FAM153A: variants seen among roughly 807,000 people sequenced by gnomAD.
The protein encoded by FAM153A is family with sequence similarity 153 member A.
A neutral mutation model predicts 48.1 loss-of-function variants in FAM153A; 12 were observed. The observed-to-expected ratio is 0.25, with a 90% CI of 0.16 to 0.40. The LOEUF is 0.40. FAM153A is among the 10% of genes least tolerant of loss of function. The pLI is 1.00. For synonymous variants in FAM153A, 36 were observed against 118.2 expected, an observed-to-expected ratio of 0.30 and a Z score of 4.51; for missense variants, 111 against 345.8, an observed-to-expected ratio of 0.32 and a Z score of 5.38.
At chr5:177,716,995 G>GTGTGTGTA (rs1270368015) in intron 24 of FAM153A, among the ~76,000 whole-genome samples, 3 of 150,438 alleles carry the variant, frequency 2.0e-5, no homozygotes, top group Non-Finnish European at 4.4e-5. Context: ...GTGTGTGTGT[G>GTGTGTGTA]TGTGTAGAGT....
At chr5:177,759,977 A>G (rs1768152720) in intron 1 of FAM153A, among the ~76,000 whole-genome samples, 1 of 148,950 alleles carries the variant, frequency 6.7e-6, no homozygotes, top group South Asian at 2.1e-4. Context: ...AAAATAAAAA[A>G]AAACAAAAAA....
upstream of FAM153A, chr5:177,782,974 G>A (rs1226166629): frequency 1.1e-5 from 1 of 94,608 alleles, no homozygotes; most frequent in Non-Finnish European, 2.2e-5. Context: ...TTAAGGGGAG[G>A]GCCCGCCTGG....
intron 1 of FAM153A, chr5:177,753,079 C>T (rs1396021373): frequency 2.4e-6 from 2 of 838,666 alleles, no homozygotes; most frequent in Non-Finnish European, 3.8e-6. Context: ...CAAATAGGAG[C>T]TGGGGAAATT....
intron 10 of FAM153A, among the ~76,000 whole-genome samples, chr5:177,738,746 T>C (rs1765079295): frequency 6.6e-6 from 1 of 151,420 alleles, no homozygotes; most frequent in African/African-American, 2.5e-5. Flanking sequence ...AGGTGTGCAG[T>C]GGTAATGGAA....
At chr5:177,715,144 T>G (rs1419823476) in intron 25 of FAM153A, among the ~76,000 whole-genome samples, 1 of 150,806 alleles carries the variant, frequency 6.6e-6, no homozygotes, top group Non-Finnish European at 1.5e-5. Flanking sequence ...ATAGAACCTC[T>G]TATTGCCTTT....
chr5:177,707,639 G>A (rs550325706), downstream of FAM153A, among the ~76,000 whole-genome samples: 9 of 151,184 alleles, frequency 6.0e-5, no homozygotes, highest in Non-Finnish European at 1.3e-4. Context: ...TTTTTGAGAC[G>A]GAGTCTTACT....
At chr5:177,755,091 A>T (rs893803478), upstream of FAM153A, among the ~76,000 whole-genome samples, 2 of 151,842 alleles carry the variant, frequency 1.3e-5, no homozygotes, top group African/African-American at 4.9e-5. Flanking sequence ...CCTTGAAAAA[A>T]GATTAAATGA....
intron 2 of FAM153A, chr5:177,750,295 C>T (rs1188367044): frequency 2.7e-4 from 41 of 154,546 alleles, no homozygotes; most frequent in African/African-American, 8.3e-4. Flanking sequence ...GAAATTATTC[C>T]GTCAGGGTGA....
chr5:177,765,599 C>T (rs1478316709), intron 1 of FAM153A, among the ~76,000 whole-genome samples: 1 of 126,844 alleles, frequency 7.9e-6, no homozygotes, highest in Non-Finnish European at 1.7e-5. Context: ...CCTTTGCAGG[C>T]CTGGATGAAG....
rs1188612409 is a variant in FAM153A at position 177,772,306 on chromosome 5, G to A, written c.-57+8143C>T. Among the ~76,000 whole-genome samples the A allele has an allele frequency of 2.3e-5, 2 of 87,758 alleles. 1 individual carries two copies. The highest frequency in any genetic ancestry group is 4.6e-5 in the Non-Finnish European group (2 of 43,574). The allele number at this position is 87,758 out of a possible 152,430, so 57.6% of individuals were successfully genotyped here. ...CCGGTCTACAGCTCCCAGCGTGAGC[G>A]ACGCAGAAGACGGGTGATTTCTGCA... On this transcript the variant is annotated intron_variant, in intron 1 of 8. Transcript: ENST00000393518.
intron 4 of FAM153A, among the ~76,000 whole-genome samples, chr5:177,747,253 A>AT (rs1385535620): frequency 1.4e-5 from 2 of 143,996 alleles, no homozygotes; most frequent in Admixed American, 7.4e-5. Flanking sequence ...GAGTTCATCT[A>AT]TGCCATTTCC....
At position 177,753,183 on chromosome 5, in the gene FAM153A, G is replaced by T. The variant is rs768158771; in HGVS notation, c.24C>A (p.Cys8Ter). Residue 8 changes from cysteine to a stop codon, truncating the protein, a stop_gained, in exon 1 of 21, where the codon TGC becomes TGA. Transcript: ENST00000614127. LOFTEE classifies it high-confidence loss of function. ...GGAAATGAACATACATACCTTCAAG[G>T]CAACAACTATAAACACATCCCATTG... 3.7e-6 allele frequency: 6 copies of T among 1,611,512 alleles called. No homozygotes were observed. Among genetic ancestry groups the T allele is most frequent in the Non-Finnish European group, 5.1e-6 (6 of 1,179,206 alleles).
At chr5:177,722,784 G>GTTTC (rs1554139009), downstream of FAM153A, 1 of 131,702 alleles carries the variant, frequency 7.6e-6, no homozygotes, top group African/African-American at 2.9e-5. Flanking sequence ...TCCACAGAGA[G>GTTTC]TGTGAGTGTC....
chr5:177,759,608 T>C (rs148697178), intron 1 of FAM153A, among the ~76,000 whole-genome samples: 20,674 of 150,676 alleles, frequency 0.14, 1,388 homozygotes, highest in East Asian at 0.32. Flanking sequence ...ATGTGGCACA[T>C]ATACACCATG....
At chr5:177,759,526 G>T (rs1187914760) in intron 1 of FAM153A, among the ~76,000 whole-genome samples, 1 of 151,710 alleles carries the variant, frequency 6.6e-6, no homozygotes, top group Non-Finnish European at 1.5e-5. Context: ...TATGTTTATT[G>T]TGGCACTATT....
upstream of FAM153A, among the ~76,000 whole-genome samples, chr5:177,755,540 C>A (rs1483649957): frequency 6.6e-6 from 1 of 151,706 alleles, no homozygotes; most frequent in Non-Finnish European, 1.5e-5. Context: ...TTGTCAGATT[C>A]ACCAAAGCTG....
At chr5:177,740,671 C>T (rs1382048254) in intron 8 of FAM153A, 106 bp downstream of exon 10, 1 of 747,486 alleles carries the variant, frequency 1.3e-6, no homozygotes, top group East Asian at 4.4e-5. Flanking sequence ...CAGCAAACCA[C>T]CATGACACAT....
chr5:177,708,293 T>G (rs1243893705), downstream of FAM153A, among the ~76,000 whole-genome samples: 3 of 65,558 alleles, frequency 4.6e-5, no homozygotes, highest in Non-Finnish European at 9.3e-5. Flanking sequence ...CTCTTTTTCA[T>G]GGGCAGGCAT....
chr5:177,713,479 G>A (rs1211695619), intron 26 of FAM153A, among the ~76,000 whole-genome samples: 1 of 151,202 alleles, frequency 6.6e-6, no homozygotes, highest in Non-Finnish European at 1.5e-5. Context: ...GGACGGTCTC[G>A]ATCTCCTGAC....
Sources: gnomAD v4.1 joint callset for allele counts (sites outside exome capture counted in the v4.1 genomes callset) on GRCh38, gnomAD v4.1.1 for gene constraint, MANE v1.5 for transcripts, NCBI Gene and HGNC (gene_info 2026-07-23, HGNC 2026-07-21) for gene names.